Variants in NPAS3 observed in about 807,000 individuals in gnomAD.
The protein encoded by NPAS3 is neuronal PAS domain protein 3.
In NPAS3, 14 loss-of-function variants were observed where a neutral mutation model predicts 73.1. That is an observed-to-expected ratio of 0.19 (90% CI 0.13 to 0.30). NPAS3 has a LOEUF of 0.30. Ranked by LOEUF, NPAS3 falls within the 10% of genes least tolerant of loss-of-function variation. The pLI, the probability that NPAS3 is intolerant of heterozygous loss-of-function variation, is 1.00. For synonymous variants in NPAS3, 620 were observed against 541.5 expected (o/e 1.14, Z -2.01); for missense variants, 1,096 against 1,250.0 (o/e 0.88, Z 1.86).
chr14:33,054,757 C>T (rs10140790), intron 1 of NPAS3, among the ~76,000 whole-genome samples: 4,821 of 151,848 alleles, frequency 0.032, 218 homozygotes, highest in African/African-American at 0.1. Context: ...GGACTACAGG[C>T]GCCGACCACC....
Position 33,147,245 on chromosome 14 carries a change from A to C in NPAS3, c.141-67937A>C, listed in dbSNP as rs2044267526. On this transcript the variant is annotated intron_variant, in intron 2 of 11. Transcript: ENST00000356141. Reference sequence around the variant, plus strand: ...CCTTGCTGAAGTGAATAAAGAAGACATGTTTGTGTAGTTCTGATTGGAAGT... The same window carrying C: ...CCTTGCTGAAGTGAATAAAGAAGACCTGTTTGTGTAGTTCTGATTGGAAGT... Among the ~76,000 whole-genome samples the C allele has an allele frequency of 3.3e-5, 5 of 152,178 alleles. 1 individual carries two copies. In the South Asian group the frequency reaches 1.0e-3, roughly 32 times the overall value.
chr14:33,669,590 A>ATAAT (rs1156417840), intron 5 of NPAS3, among the ~76,000 whole-genome samples: 5 of 152,222 alleles, frequency 3.3e-5, no homozygotes, highest in Non-Finnish European at 2.9e-5. Flanking sequence ...AATGCAGCGT[A>ATAAT]TAATTTACCC....
chr14:33,690,254 G>A (rs896681400), intron 6 of NPAS3, among the ~76,000 whole-genome samples: 4 of 152,118 alleles, frequency 2.6e-5, no homozygotes, highest in African/African-American at 9.7e-5. Flanking sequence ...ATTTCGTGTA[G>A]GAGGACTCCA....
At chr14:33,040,584 C>T (rs1166120299) in intron 1 of NPAS3, among the ~76,000 whole-genome samples, 2 of 152,136 alleles carry the variant, frequency 1.3e-5, no homozygotes, top group Non-Finnish European at 2.9e-5. Context: ...CCCCACAGAT[C>T]TACATACCAG....
chr14:33,551,020 T>C (rs1351721625), intron 4 of NPAS3, among the ~76,000 whole-genome samples: 2 of 152,212 alleles, frequency 1.3e-5, no homozygotes, highest in Non-Finnish European at 2.9e-5. Flanking sequence ...TTGTTAATTA[T>C]ATGAATGATA....
chr14:33,356,872 G>T (rs1481807171), intron 3 of NPAS3, among the ~76,000 whole-genome samples: 1 of 152,184 alleles, frequency 6.6e-6, no homozygotes, highest in Non-Finnish European at 1.5e-5. Flanking sequence ...TAAATAATAG[G>T]TCTTCAAGTT....
chr14:33,675,553 C>G, intron 5 of NPAS3, among the ~76,000 whole-genome samples: 1 of 152,246 alleles, frequency 6.6e-6, no homozygotes, highest in Middle Eastern at 3.4e-3. Context: ...GCAAAACAAG[C>G]TGATTGCAGC....
At chr14:33,006,099 A>G (rs577866372) in intron 1 of NPAS3, among the ~76,000 whole-genome samples, 1 of 152,174 alleles carries the variant, frequency 6.6e-6, no homozygotes, top group East Asian at 1.9e-4. Flanking sequence ...GGATCTCTGG[A>G]GCCTACTTGT....
chr14:33,343,905 G>T (rs149481594), intron 3 of NPAS3, among the ~76,000 whole-genome samples: 1 of 152,116 alleles, frequency 6.6e-6, no homozygotes, highest in African/African-American at 2.4e-5. Context: ...AAAACTTGTC[G>T]CCTCGTGCAA....
chr14:33,013,277 T>A (rs1296868589), intron 1 of NPAS3, among the ~76,000 whole-genome samples: 5 of 152,218 alleles, frequency 3.3e-5, no homozygotes, highest in Non-Finnish European at 7.3e-5. Context: ...CTCCAGTTAT[T>A]AAAAAGGTTT....
chr14:33,091,183 A>T (rs2042211878), intron 2 of NPAS3, among the ~76,000 whole-genome samples: 1 of 152,332 alleles, frequency 6.6e-6, no homozygotes, highest in African/African-American at 2.4e-5. Flanking sequence ...ACTATTCAAA[A>T]AATCAATGAA....
At chr14:33,406,234 T>C (rs2047661164) in intron 4 of NPAS3, among the ~76,000 whole-genome samples, 1 of 152,122 alleles carries the variant, frequency 6.6e-6, no homozygotes, top group African/African-American at 2.4e-5. Flanking sequence ...TCTTAGAATA[T>C]TTAGCCATGC....
chr14:33,113,103 T>C (rs1339961203), intron 2 of NPAS3, among the ~76,000 whole-genome samples: 1 of 152,202 alleles, frequency 6.6e-6, no homozygotes, highest in Non-Finnish European at 1.5e-5. Context: ...GGTAGCGTGA[T>C]GCCTCCAGCT....
intron 5 of NPAS3, among the ~76,000 whole-genome samples, chr14:33,629,683 A>T (rs1306597134): frequency 6.6e-6 from 1 of 151,760 alleles, no homozygotes; most frequent in Non-Finnish European, 1.5e-5. Context: ...CCTTGTCCCA[A>T]ATTTAAGGGA....
intron 4 of NPAS3, among the ~76,000 whole-genome samples, chr14:33,494,274 A>G (rs570991497): frequency 6.6e-6 from 1 of 152,146 alleles, no homozygotes; most frequent in Non-Finnish European, 1.5e-5. Context: ...AGTTGAAGCA[A>G]CAGTTTCATC....
At chr14:33,456,085 G>A (rs2050009762) in intron 4 of NPAS3, among the ~76,000 whole-genome samples, 1 of 152,194 alleles carries the variant, frequency 6.6e-6, no homozygotes, top group African/African-American at 2.4e-5. Flanking sequence ...ATCTCATTCA[G>A]AGAGCTTTGG....
At chr14:33,028,898 T>C (rs1243353824) in intron 1 of NPAS3, among the ~76,000 whole-genome samples, 1 of 152,200 alleles carries the variant, frequency 6.6e-6, no homozygotes, top group Non-Finnish European at 1.5e-5. Context: ...AAGTGTATCA[T>C]GGTAGTTTGC....
At chr14:33,196,055 A>T (rs770335495) in intron 2 of NPAS3, among the ~76,000 whole-genome samples, 1 of 152,218 alleles carries the variant, frequency 6.6e-6, no homozygotes, top group African/African-American at 2.4e-5. Context: ...GAGTCAGAGA[A>T]ATTAAATGTC....
chr14:33,346,828 C>A (rs895944839), intron 3 of NPAS3, among the ~76,000 whole-genome samples: 8 of 152,120 alleles, frequency 5.3e-5, no homozygotes, highest in Admixed American at 5.2e-4. Flanking sequence ...ATATCCTTAC[C>A]TCATCTGGGC....
Sources: gnomAD v4.1 joint callset for allele counts (sites outside exome capture counted in the v4.1 genomes callset) on GRCh38, gnomAD v4.1.1 for gene constraint, MANE v1.5 for transcripts, NCBI Gene and HGNC (gene_info 2026-07-23, HGNC 2026-07-21) for gene names.